SIGLEC11: variants seen among roughly 807,000 people sequenced by gnomAD.
SIGLEC11 encodes sialic acid-binding Ig-like lectin 11.
SIGLEC11 carries 47 observed loss-of-function variants against 61.2 expected under a neutral mutation model. That is an observed-to-expected ratio of 0.77 (90% confidence interval 0.61 to 0.98). SIGLEC11 has a LOEUF of 0.98. Among genes scored for constraint, SIGLEC11 ranks in the 50% least tolerant of loss-of-function variants. The pLI is 0.00. For missense variants in SIGLEC11, 610 were observed against 870.3 expected, an observed-to-expected ratio of 0.70 and a Z score of 3.76; for synonymous variants, 278 against 373.1, an observed-to-expected ratio of 0.75 and a Z score of 2.94.
chr19:49,958,484 A>G lies in SIGLEC11; in HGVS notation c.1450T>C (p.Ser484Pro). 1 of 1,611,902 alleles carries G rather than the reference A, an allele frequency of 6.2e-7. No homozygotes were observed. Among genetic ancestry groups the G allele is most frequent in the Non-Finnish European group, 8.5e-7 (1 of 1,179,358 alleles). ...SCSSQASPAP[S>P]LRWWLGEELL... The stretch of plus-strand genomic sequence containing the variant: ...TCCTCCCCAAGCCACCAGCGCAGAG[A>G]GGGGGCCGGGCTGGCCTGGGAGGAG... The change falls in exon 8 of 11, where the codon TCT becomes CCT. Residue 484 changes from serine (S) to proline (P), a missense_variant. Transcript: ENST00000447370.
Position 49,950,187 on chromosome 19 carries a change from G to C in SIGLEC11, c.1880C>G (p.Pro627Arg). 6.2e-7 allele frequency: 1 copy of C among 1,604,248 alleles called. No individual in the cohort carries two copies. Among genetic ancestry groups the C allele is most frequent in the Non-Finnish European group, 8.5e-7 (1 of 1,177,142 alleles). The change falls in exon 11 of 11, where the codon CCA becomes CGA. Residue 627 changes from proline (P) to arginine (R), a missense_variant. This residue lies in a region of SIGLEC11 where 432 missense variants were observed against 441.5 expected (regional missense o/e 0.98). Coordinates refer to ENST00000447370, the MANE Select transcript of SIGLEC11 (RefSeq NM_052884.3). ...SAGSSQDHPPPGAATYTPGKG... is the reference protein window; with the variant it reads ...SAGSSQDHPPRGAATYTPGKG... ...CCCCGGGGTGTAGGTGGCTGCACCT[G>C]GGGGCGGGTGGTCTTGGGAGCTGCC...
At position 49,955,315 on chromosome 19, in the gene SIGLEC11, A is replaced by C. The variant is rs2076188254; in HGVS notation, c.1652-2921T>G. ...GGGGACTGGCCCCAGAAAAAAAGCC[A>C]AAAAAAAAAAAAAAAAGAAAGGCAT... On this transcript the variant is annotated intron_variant, in intron 8 of 10. Coordinates refer to ENST00000447370, the MANE Select transcript of SIGLEC11 (RefSeq NM_052884.3). This position sits in a 1 kb window ranked among gnomAD's most constrained non-coding sequence, Gnocchi z 4.5. Among the ~76,000 whole-genome samples the C allele has an allele frequency of 2.9e-5, 2 of 68,884 alleles. No homozygotes were observed. The highest frequency in any genetic ancestry group is 3.1e-3 in the South Asian group (2 of 636). 45.2% of individuals were successfully genotyped at this position (68,884 alleles called of 152,430 possible). A position where few individuals can be genotyped will look rare whatever the true frequency, so the allele number is the denominator to read the frequency against.
In SIGLEC11 at chr19:49,958,282, C is replaced by A. The variant is rs557060157; in HGVS notation, c.1651+1G>T. Reference sequence around the variant, plus strand: ...ACCTCAGCCCCCCACAGTCCCCTCACCTGGTAGCAGCTGGAAGACAGAGCC... The same window carrying A: ...ACCTCAGCCCCCCACAGTCCCCTCAACTGGTAGCAGCTGGAAGACAGAGCC... On this transcript the variant is annotated splice_donor_variant, in intron 8 of 10. Transcript: ENST00000447370. LOFTEE classifies it high-confidence loss of function. 40 of 1,613,740 alleles carry A rather than the reference C, an allele frequency of 2.5e-5. 1 individual carries two copies. The South Asian group carries it at 4.4e-4, about 18-fold the overall frequency.
At chr19:49,953,236 C>T (rs2076171566) in intron 8 of SIGLEC11, among the ~76,000 whole-genome samples, 1 of 152,156 alleles carries the variant, frequency 6.6e-6, no homozygotes, top group African/African-American at 2.4e-5. Context: ...CTGAAAGGAG[C>T]TACAGAATGA....
intron 8 of SIGLEC11, among the ~76,000 whole-genome samples, chr19:49,954,380 C>T (rs1323948380): frequency 6.6e-6 from 1 of 152,128 alleles, no homozygotes; most frequent in Non-Finnish European, 1.5e-5. Context: ...AGGACTGGAG[C>T]CTCAAAAGGC....
rs746123665 is a variant in SIGLEC11 at position 49,960,684 on chromosome 19, C to T, written c.328G>A (p.Gly110Ser). 56 of 1,610,406 alleles carry T rather than the reference C, an allele frequency of 3.5e-5. No homozygotes were observed. The highest frequency in any genetic ancestry group is 5.0e-5 in the Admixed American group (3 of 59,852). ...RDRFQLTGDP[G>S]KGSCSLVIRD... Reference sequence around the variant, plus strand: ...ATCACCAAGGAGCAGCTCCCTTTGCCGGGATCCCCAGTGAGCTGGAATCGG... The same window carrying T: ...ATCACCAAGGAGCAGCTCCCTTTGCTGGGATCCCCAGTGAGCTGGAATCGG... The change falls in exon 2 of 11, where the codon GGC (glycine) becomes AGC (serine). Residue 110 changes from glycine to serine, a missense_variant. By Grantham distance (56) the Gly-to-Ser change is moderately conservative. This residue lies in a region of SIGLEC11 where 99 missense variants were observed against 131.6 expected (regional missense o/e 0.75). Coordinates refer to ENST00000447370, the MANE Select transcript of SIGLEC11 (RefSeq NM_052884.3).
At position 49,955,072 on chromosome 19, in the gene SIGLEC11, C is replaced by T. The variant is rs1282616084; in HGVS notation, c.1652-2678G>A. 6.6e-6 allele frequency among the ~76,000 whole-genome samples: 1 copy of T among 152,112 alleles called. No homozygotes were observed. Among genetic ancestry groups the T allele is most frequent in the African/African-American group, 2.4e-5 (1 of 41,414 alleles). On this transcript the variant is annotated intron_variant, in intron 8 of 10. Coordinates refer to ENST00000447370, the MANE Select transcript of SIGLEC11 (RefSeq NM_052884.3). This position sits in a 1 kb window ranked among gnomAD's most constrained non-coding sequence, Gnocchi z 4.5. Reference sequence around the variant, plus strand: ...CTGCTGAAAATCAGCGCATGGTAAACACAGCATTTGTAGGGCAAGCCCAGG... The same window carrying T: ...CTGCTGAAAATCAGCGCATGGTAAATACAGCATTTGTAGGGCAAGCCCAGG...
chr19:49,952,380 C>A lies in SIGLEC11; in HGVS notation c.1666G>T (p.Gly556Trp), dbSNP rs1158145101. ...GCAGCCCCCAGGCCAAGTCCTCCCC[C>A]ATGCTCCAGCTTCCCTGCATGGGAG... ...FQLLPGKLEH[G>W]GGLGLGAALG... The change falls in exon 9 of 11, where the codon GGG becomes TGG. Residue 556 changes from glycine (G) to tryptophan (W), a missense_variant. Gly to Trp is a radical substitution (Grantham distance 184). This residue lies in a region of SIGLEC11 where 432 missense variants were observed against 441.5 expected (regional missense o/e 0.98). Coordinates refer to ENST00000447370, the MANE Select transcript of SIGLEC11 (RefSeq NM_052884.3). The A allele has an allele frequency of 5.6e-6, 9 of 1,606,750 alleles. No homozygotes were observed. The highest frequency in any genetic ancestry group is 5.9e-6 in the Non-Finnish European group (7 of 1,179,866).
rs190838250 is a variant in SIGLEC11, at chr19:49,956,530, C to T, written c.1651+1753G>A. ...TGTGTGCTTGAAACAATTAGACCGT[C>T]TTTCTTCCTATTCCCACTGCAACAG... On this transcript the variant is annotated intron_variant, in intron 8 of 10. Coordinates refer to ENST00000447370, the MANE Select transcript of SIGLEC11 (RefSeq NM_052884.3). Among the ~76,000 whole-genome samples, 13 of 152,250 alleles carry T rather than the reference C, an allele frequency of 8.5e-5. No individual in the cohort carries two copies. In the East Asian group the frequency reaches 2.5e-3, roughly 29 times the overall value.
In SIGLEC11 at chr19:49,959,084, T is replaced by C. The variant is rs2076222173; in HGVS notation, c.1058-7A>G. 2.5e-6 allele frequency: 4 copies of C among 1,613,772 alleles called. No individual in the cohort carries two copies. The East Asian group carries it at 8.9e-5, about 36-fold the overall frequency. On this transcript the variant is annotated splice_region_variant and splice_polypyrimidine_tract_variant and intron_variant, in intron 5 of 10. Coordinates refer to ENST00000447370, the MANE Select transcript of SIGLEC11 (RefSeq NM_052884.3). ...CTCAGGTTCTCTGGAGGATCTGAAATGGAGACAGGGGACCGGCTCTAGACA... is the reference window on the plus strand; with the variant it reads ...CTCAGGTTCTCTGGAGGATCTGAAACGGAGACAGGGGACCGGCTCTAGACA...
At position 49,949,236 on chromosome 19, in the gene SIGLEC11, T is replaced by G. The variant is rs1163525571; in HGVS notation, c.*734A>C. The G allele has an allele frequency of 2.0e-5, 3 of 151,242 alleles. No individual in the cohort carries two copies. The East Asian group carries it at 5.8e-4, about 29-fold the overall frequency. The allele number at this position is 151,242 out of a possible 1,614,324, so 9.4% of individuals were successfully genotyped here. ...ACTCCTGACTTGTGATCCACCCACT[T>G]CAGCCTCCCAAAGTGTTGAGATTAC... On this transcript the variant is annotated 3_prime_UTR_variant, in exon 11 of 11. Coordinates refer to ENST00000447370, the MANE Select transcript of SIGLEC11 (RefSeq NM_052884.3).
chr19:49,956,652 A>G (rs1181862688), intron 8 of SIGLEC11, among the ~76,000 whole-genome samples: 1 of 152,238 alleles, frequency 6.6e-6, no homozygotes, highest in Non-Finnish European at 1.5e-5. Flanking sequence ...GACACAAATT[A>G]ACCCCCTGAA....
chr19:49,951,528 T>C lies in SIGLEC11; in HGVS notation c.1830+363A>G, dbSNP rs1252082246. 1.3e-5 allele frequency among the ~76,000 whole-genome samples: 2 copies of C among 152,046 alleles called. No individual in the cohort carries two copies. Among genetic ancestry groups the C allele is most frequent in the Admixed American group, 6.5e-5 (1 of 15,288 alleles). ...AGGATGGGGACCCTTAGCTTTGTAG[T>C]AGACAATAGTCATCTGAGGAAAGGA... On this transcript the variant is annotated intron_variant, in intron 10 of 10. Coordinates refer to ENST00000447370, the MANE Select transcript of SIGLEC11 (RefSeq NM_052884.3). The surrounding 1 kb of genome is among the most constrained non-coding windows in gnomAD (Gnocchi z 4.6).
In SIGLEC11 at chr19:49,960,438, G is replaced by T. The variant is rs777412013; in HGVS notation, c.461-17C>A. 9.4e-6 allele frequency: 15 copies of T among 1,596,766 alleles called. No individual in the cohort carries two copies. Among genetic ancestry groups the T allele is most frequent in the Non-Finnish European group, 1.3e-5 (15 of 1,177,986 alleles). Reference sequence around the variant, plus strand: ...TAGTCAGGGCTGGGACAGAGACCGGGTGGGAGATTCTTGTGCTGCAGGGGT... The same window carrying T: ...TAGTCAGGGCTGGGACAGAGACCGGTTGGGAGATTCTTGTGCTGCAGGGGT... On this transcript the variant is annotated splice_polypyrimidine_tract_variant and intron_variant, in intron 2 of 10. Transcript: ENST00000447370.
At chr19:49,953,398 C>T (rs995396757) in intron 8 of SIGLEC11, among the ~76,000 whole-genome samples, 2 of 151,940 alleles carry the variant, frequency 1.3e-5, no homozygotes, top group Admixed American at 6.6e-5. Context: ...AGTGGCTCGT[C>T]GATTTGGATG....
intron 7 of SIGLEC11, 27 bp from the exon 8 acceptor site, chr19:49,958,597 C>T: frequency 6.4e-7 from 1 of 1,566,728 alleles, no homozygotes; most frequent in Admixed American, 1.9e-5. Flanking sequence ...CAGGACTCAG[C>T]AGGGGCCCCT....
rs2076140904 is a variant in SIGLEC11 at position 49,949,071 on chromosome 19, A to G, written c.*899T>C. The G allele has an allele frequency of 6.6e-6, 1 of 151,498 alleles. No homozygotes were observed. The highest frequency in any genetic ancestry group is 2.4e-5 in the African/African-American group (1 of 41,164). The allele number at this position is 151,498 out of a possible 1,614,324, so 9.4% of individuals were successfully genotyped here. ...AGTGGGACGATCTCGGCTCACTGCA[A>G]CCTCCACCTCCCGGGTTCAACCAAT... On this transcript the variant is annotated 3_prime_UTR_variant, in exon 11 of 11. Transcript: ENST00000447370.
At position 49,959,435 on chromosome 19, in the gene SIGLEC11, C is replaced by G. The variant is rs770403078; in HGVS notation, c.982G>C (p.Asp328His). The G allele has an allele frequency of 3.8e-6, 6 of 1,595,758 alleles. No individual in the cohort carries two copies. The highest frequency in any genetic ancestry group is 5.1e-6 in the Non-Finnish European group (6 of 1,179,220). Residue 328 changes from aspartate to histidine, a missense_variant, in exon 5 of 11, where the codon GAT becomes CAT. By Grantham distance (81) the Asp-to-His change is moderately conservative. Transcript: ENST00000447370. ...GLELRGVRAGDSGRYTCRAEN... is the reference protein window; with the variant it reads ...GLELRGVRAGHSGRYTCRAEN... The stretch of plus-strand genomic sequence containing the variant: ...GCTCGGCAGGTGTAGCGCCCTGAAT[C>G]CCCGGCCCTTACCCCACGCAGCTCC...
In SIGLEC11 at chr19:49,958,739, G is replaced by C; in HGVS notation, c.1267C>G (p.Leu423Val). 6.2e-7 allele frequency: 1 copy of C among 1,613,896 alleles called. No homozygotes were observed. Among genetic ancestry groups the C allele is most frequent in the East Asian group, 2.2e-5 (1 of 44,874 alleles). Reference protein sequence around the residue: ...SQPSDPGVLELPPIQMEHEGE... With the variant: ...SQPSDPGVLEVPPIQMEHEGE... ...TCGTGCTCCATTTGAATGGGTGGCA[G>C]CTCCAGGACCCCGGGGTCTGAGGGC... Residue 423 changes from leucine to valine, a missense_variant, in exon 7 of 11, where the codon CTG becomes GTG. This residue lies in a region of SIGLEC11 where 432 missense variants were observed against 441.5 expected (regional missense o/e 0.98). Coordinates refer to ENST00000447370, the MANE Select transcript of SIGLEC11 (RefSeq NM_052884.3).
Sources: gnomAD v4.1 joint callset for allele counts (sites outside exome capture counted in the v4.1 genomes callset) on GRCh38, gnomAD v4.1.1 for gene constraint, gnomAD v4.1.1 regional missense constraint, Gnocchi (gnomAD v3.1) non-coding constraint, MANE v1.5 for transcripts, NCBI Gene and HGNC (gene_info 2026-07-23, HGNC 2026-07-21) for gene names.